Variants in LRP1B observed in about 807,000 individuals in gnomAD.
LRP1B encodes the protein low-density lipoprotein receptor-related protein 1B.
Under a neutral mutation model 556.6 loss-of-function variants are expected in LRP1B, and 217 were observed. The ratio of observed to expected loss-of-function variants is 0.39; its 90% CI spans 0.35 to 0.44. LRP1B has a LOEUF of 0.44. Among genes scored for constraint, LRP1B ranks in the 20% least tolerant of loss-of-function variants. The pLI is 1.00. For synonymous variants in LRP1B, 2,047 were observed against 1,865.8 expected (o/e 1.10, Z -2.50); for missense variants, 5,053 against 5,620.8 (o/e 0.90, Z 3.23).
intron 1 of LRP1B, among the ~76,000 whole-genome samples, chr2:141,855,163 G>A (rs941078707): frequency 6.6e-6 from 1 of 151,960 alleles, no homozygotes; most frequent in Non-Finnish European, 1.5e-5. Context: ...TCAAGATGAA[G>A]CAGCCATTTG....
At chr2:140,542,070 G>A in intron 43 of LRP1B, 99 bp from the exon 44 acceptor site, 10 of 699,784 alleles carry the variant, frequency 1.4e-5, no homozygotes, top group South Asian at 4.2e-5. Context: ...AGGATTAGTT[G>A]GATTTAATTA....
intron 49 of LRP1B, among the ~76,000 whole-genome samples, chr2:140,522,572 C>G (rs535734426): frequency 1.3e-5 from 2 of 151,402 alleles, no homozygotes; most frequent in Non-Finnish European, 2.9e-5. Flanking sequence ...AAAATCAGAG[C>G]AGAAGAAAAT....
At chr2:140,412,667 T>C (rs1466899747) in intron 66 of LRP1B, among the ~76,000 whole-genome samples, 3 of 152,058 alleles carry the variant, frequency 2.0e-5, no homozygotes, top group African/African-American at 4.8e-5. Context: ...AACAACTCTA[T>C]GATAAATATG....
At chr2:141,810,937 T>C (rs979413789) in intron 1 of LRP1B, among the ~76,000 whole-genome samples, 2 of 152,022 alleles carry the variant, frequency 1.3e-5, no homozygotes, top group African/African-American at 2.4e-5. Flanking sequence ...CTTTTTTTTT[T>C]CCATGACTTC....
chr2:141,780,452 T>G (rs1387878779), intron 2 of LRP1B, among the ~76,000 whole-genome samples: 1 of 152,210 alleles, frequency 6.6e-6, no homozygotes, highest in Non-Finnish European at 1.5e-5. Flanking sequence ...TGTATTCTAT[T>G]ATTTAATTCA....
chr2:140,864,376 T>C (rs898161069), intron 27 of LRP1B, among the ~76,000 whole-genome samples: 1 of 152,048 alleles, frequency 6.6e-6, no homozygotes, highest in Non-Finnish European at 1.5e-5. Flanking sequence ...TAACTATGAA[T>C]GTAGAGGAGG....
chr2:140,288,550 A>AG, intron 84 of LRP1B, among the ~76,000 whole-genome samples: 1 of 151,940 alleles, frequency 6.6e-6, no homozygotes. Flanking sequence ...ATTTGATTTG[A>AG]GGCAAGCCTC....
At chr2:140,291,319 T>TATATATATATATATATATATATATATATA (rs1553440647) in intron 84 of LRP1B, among the ~76,000 whole-genome samples, 2 of 57,402 alleles carry the variant, frequency 3.5e-5, no homozygotes, top group Non-Finnish European at 6.5e-5. Context: ...TATATATATA[T>TATATATATATATATATATATATATATATA]TTTTATTATA....
At chr2:141,331,942 A>G (rs1219162694) in intron 3 of LRP1B, among the ~76,000 whole-genome samples, 1 of 152,092 alleles carries the variant, frequency 6.6e-6, no homozygotes. Flanking sequence ...ATTTCACTTC[A>G]TCTAGCAAAC....
chr2:141,467,852 A>AGGT (rs1163213986), intron 3 of LRP1B, among the ~76,000 whole-genome samples: 1 of 133,250 alleles, frequency 7.5e-6, no homozygotes, highest in Admixed American at 7.8e-5. Flanking sequence ...GGGGGGGGGA[A>AGGT]TTCCAGCATA....
At chr2:141,039,989 T>C (rs1472500942) in intron 11 of LRP1B, among the ~76,000 whole-genome samples, 1 of 152,112 alleles carries the variant, frequency 6.6e-6, no homozygotes, top group Non-Finnish European at 1.5e-5. Flanking sequence ...TCTTATTCAC[T>C]GTCAACAGGA....
intron 18 of LRP1B, among the ~76,000 whole-genome samples, chr2:140,973,615 T>C (rs560698672): frequency 6.6e-5 from 10 of 152,150 alleles, no homozygotes; most frequent in Non-Finnish European, 1.2e-4. Context: ...ACATGTCAGT[T>C]ACATGATAAG....
intron 52 of LRP1B, among the ~76,000 whole-genome samples, chr2:140,509,077 CACACAA>C (rs1249493293): frequency 4.8e-5 from 3 of 61,908 alleles, no homozygotes; most frequent in African/African-American, 1.0e-4. Context: ...CACACACACA[CACACAA>C]ACACACACAC....
chr2:140,509,018 C>G (rs1165716917), intron 52 of LRP1B, among the ~76,000 whole-genome samples: 1 of 150,694 alleles, frequency 6.6e-6, no homozygotes, highest in Non-Finnish European at 1.5e-5. Context: ...TCGAAGTTTT[C>G]TTTTTTCTTT....
chr2:141,996,718 C>CA (rs992146305), intron 1 of LRP1B, among the ~76,000 whole-genome samples: 2 of 149,330 alleles, frequency 1.3e-5, no homozygotes, highest in African/African-American at 5.0e-5. Flanking sequence ...TTCTTTCCCC[C>CA]CCCCTACAAA....
chr2:141,668,412 C>G (rs747398587), intron 2 of LRP1B, among the ~76,000 whole-genome samples: 2 of 152,132 alleles, frequency 1.3e-5, no homozygotes, highest in East Asian at 1.9e-4. Context: ...ACCACACCCC[C>G]CTATCCTATA....
chr2:141,809,626 C>T (rs770062009), intron 2 of LRP1B, among the ~76,000 whole-genome samples: 6 of 151,912 alleles, frequency 3.9e-5, no homozygotes, highest in East Asian at 3.9e-4. Flanking sequence ...AAAAAGCCTT[C>T]GGTGGATTCC....
At chr2:141,859,824 G>C (rs892185415) in intron 1 of LRP1B, among the ~76,000 whole-genome samples, 1 of 152,170 alleles carries the variant, frequency 6.6e-6, no homozygotes, top group Middle Eastern at 3.4e-3. Context: ...AAAAACAGTG[G>C]TGAGAAAAGG....
At chr2:141,828,439 A>G (rs139744510) in intron 1 of LRP1B, among the ~76,000 whole-genome samples, 1 of 152,280 alleles carries the variant, frequency 6.6e-6, no homozygotes, top group East Asian at 1.9e-4. Flanking sequence ...ATTTCACTCA[A>G]TATTAAAAAA....
Sources: gnomAD v4.1 joint callset for allele counts (sites outside exome capture counted in the v4.1 genomes callset) on GRCh38, gnomAD v4.1.1 for gene constraint, MANE v1.5 for transcripts, NCBI Gene and HGNC (gene_info 2026-07-23, HGNC 2026-07-21) for gene names.